TBC1D14: variants seen among roughly 807,000 people sequenced by gnomAD.
The protein encoded by TBC1D14 is TBC1 domain family member 14, also known as TBC1 domain family, member 14.
TBC1D14 carries 26 observed loss-of-function variants against 79.0 expected under a neutral mutation model. That is an observed-to-expected ratio of 0.33 (90% confidence interval 0.24 to 0.46). The LOEUF (loss-of-function observed/expected upper bound fraction) is 0.46. Among genes scored for constraint, TBC1D14 ranks in the 20% least tolerant of loss-of-function variants. The probability of loss-of-function intolerance (pLI) is 1.00; values close to 1 mark genes in which losing one functional copy is unlikely to be tolerated. For synonymous variants in TBC1D14, 394 were observed against 349.9 expected (o/e 1.13, Z -1.40); for missense variants, 769 against 887.6 (o/e 0.87, Z 1.70).
intron 11 of TBC1D14, among the ~76,000 whole-genome samples, chr4:7,013,193 C>T (rs1304988919): frequency 6.6e-6 from 1 of 152,210 alleles, no homozygotes; most frequent in Non-Finnish European, 1.5e-5. Flanking sequence ...GACTGTGTGA[C>T]TCTGCTGGGG....
At chr4:6,911,627 A>G (rs761406845) in intron 1 of TBC1D14, among the ~76,000 whole-genome samples, 26 of 151,126 alleles carry the variant, frequency 1.7e-4, no homozygotes, top group Middle Eastern at 3.2e-3. Context: ...TCTCCACCCC[A>G]CTCCCCGTTT....
chr4:6,912,962 ATTTTGTTTTGTT>A (rs1671051270), intron 1 of TBC1D14, among the ~76,000 whole-genome samples: 1 of 151,862 alleles, frequency 6.6e-6, no homozygotes, highest in African/African-American at 2.4e-5. Context: ...CCTCCTGTTG[ATTTTGTTTTGTT>A]TTTTGTTTTG....
intron 1 of TBC1D14, among the ~76,000 whole-genome samples, chr4:6,917,555 C>G (rs1266683848): frequency 6.6e-6 from 1 of 152,068 alleles, no homozygotes; most frequent in Non-Finnish European, 1.5e-5. Context: ...TGGGAGAGCA[C>G]CTCAGGTGGT....
At chr4:6,936,785 G>C (rs1302453880) in intron 2 of TBC1D14, among the ~76,000 whole-genome samples, 2 of 152,168 alleles carry the variant, frequency 1.3e-5, no homozygotes, top group African/African-American at 4.8e-5. Flanking sequence ...CCTCCCCAGC[G>C]TTTGCTGTTG....
intron 9 of TBC1D14, among the ~76,000 whole-genome samples, chr4:7,007,006 G>T (rs536879680): frequency 2.0e-5 from 3 of 152,140 alleles, no homozygotes; most frequent in Admixed American, 1.3e-4. Flanking sequence ...GGTCTGAGAG[G>T]GTCCCCATGG....
Position 6,967,355 on chromosome 4 carries a change from G to T in TBC1D14, c.774G>T (p.Leu258Phe). ...QSARLDKHND[L>F]GWKLFGKAPL... ...CAAGGCTTGACAAACACAATGACTT[G>T]GGATGGAAGTTATTTGGGAAAGCGC... Residue 258 changes from leucine to phenylalanine, a missense_variant, in exon 3 of 14, where the codon TTG (leucine) becomes TTT (phenylalanine). Around this residue, in one of 2 missense-constraint regions of TBC1D14, gnomAD observed 402 missense variants for 393.2 expected, o/e 1.02. Transcript: ENST00000409757. 1 of 1,614,038 alleles carries T rather than the reference G, an allele frequency of 6.2e-7. No homozygotes were observed. Among genetic ancestry groups the T allele is most frequent in the Non-Finnish European group, 8.5e-7 (1 of 1,180,018 alleles).
chr4:7,027,491 GTCACACCCCTACACC>G (rs1722516766), intron 13 of TBC1D14, among the ~76,000 whole-genome samples: 1 of 115,674 alleles, frequency 8.6e-6, no homozygotes, highest in South Asian at 2.9e-4. Flanking sequence ...CACACCCACA[GTCACACCCCTACACC>G]TCACACCCAG....
Position 7,031,523 on chromosome 4 carries a change from G to A in TBC1D14, c.*1131G>A, listed in dbSNP as rs1290244300. The A allele has an allele frequency of 1.3e-5, 2 of 152,226 alleles. No individual in the cohort carries two copies. Among genetic ancestry groups the A allele is most frequent in the East Asian group, 3.8e-4 (2 of 5,200 alleles). 9.4% of individuals were successfully genotyped at this position (152,226 alleles called of 1,614,324 possible). On this transcript the variant is annotated 3_prime_UTR_variant, in exon 14 of 14. Transcript: ENST00000409757. ...TTTAGCTGACTTTCCCAGGGTCGTT[G>A]GCAAATTTTTTGTTCTGTCTTTTCC...
intron 3 of TBC1D14, among the ~76,000 whole-genome samples, chr4:6,981,687 C>T (rs1188998318): frequency 1.3e-5 from 2 of 152,166 alleles, no homozygotes; most frequent in East Asian, 1.9e-4. Context: ...GACAAAGTGA[C>T]GTTTAGCCCA....
chr4:7,024,675 G>A (rs193080367), intron 12 of TBC1D14, among the ~76,000 whole-genome samples: 3 of 152,332 alleles, frequency 2.0e-5, no homozygotes, highest in Admixed American at 6.5e-5. Flanking sequence ...TGTGGGTGGC[G>A]CGGCGTACAG....
chr4:6,953,721 A>G (rs964339408), intron 2 of TBC1D14, among the ~76,000 whole-genome samples: 1 of 151,666 alleles, frequency 6.6e-6, no homozygotes, highest in African/African-American at 2.4e-5. Flanking sequence ...CTTCAACAGC[A>G]TTTGAAGTGA....
At chr4:7,028,219 C>A (rs1165859194) in intron 13 of TBC1D14, among the ~76,000 whole-genome samples, 2 of 152,106 alleles carry the variant, frequency 1.3e-5, no homozygotes, top group Admixed American at 1.3e-4. Flanking sequence ...TGCGCATCCA[C>A]ATACTGCACA....
chr4:6,959,177 G>A (rs549017765), intron 2 of TBC1D14, among the ~76,000 whole-genome samples: 6 of 152,270 alleles, frequency 3.9e-5, no homozygotes, highest in East Asian at 3.9e-4. Flanking sequence ...GAGCCACCGC[G>A]CCCGGCCGAG....
chr4:6,943,552 C>T (rs1334406081), intron 2 of TBC1D14, among the ~76,000 whole-genome samples: 1 of 152,200 alleles, frequency 6.6e-6, no homozygotes, highest in Non-Finnish European at 1.5e-5. Flanking sequence ...GCCTCTGCAC[C>T]TTGCCTGTTC....
At chr4:6,909,562 A>C (rs1349966039), upstream of TBC1D14, 1 of 151,412 alleles carries the variant, frequency 6.6e-6, no homozygotes, top group Non-Finnish European at 1.5e-5. Context: ...AGGCCCGCTC[A>C]AGGCAGCTCC....
intron 1 of TBC1D14, among the ~76,000 whole-genome samples, chr4:6,919,759 T>G (rs1723690418): frequency 6.6e-6 from 1 of 152,090 alleles, no homozygotes; most frequent in Non-Finnish European, 1.5e-5. Flanking sequence ...TAGCTAGGAT[T>G]ACAGGCGTGC....
intron 2 of TBC1D14, among the ~76,000 whole-genome samples, chr4:6,941,841 C>T (rs1397916178): frequency 1.3e-5 from 2 of 152,154 alleles, no homozygotes; most frequent in African/African-American, 4.8e-5. Flanking sequence ...AACAGTACGC[C>T]CATCTTCCTG....
intron 3 of TBC1D14, among the ~76,000 whole-genome samples, chr4:6,984,215 C>T (rs1298375093): frequency 6.6e-6 from 1 of 152,180 alleles, no homozygotes; most frequent in Admixed American, 6.5e-5. Context: ...GACTTAAGCC[C>T]ATGTCTTTGT....
In TBC1D14 at chr4:7,031,286, G is replaced by A. The variant is rs536377887; in HGVS notation, c.*894G>A. The A allele has an allele frequency of 2.0e-4, 30 of 152,464 alleles. No homozygotes were observed. Among genetic ancestry groups the A allele is most frequent in the African/African-American group, 7.2e-4 (30 of 41,598 alleles). 9.4% of individuals were successfully genotyped at this position (152,464 alleles called of 1,614,324 possible). On this transcript the variant is annotated 3_prime_UTR_variant, in exon 14 of 14. Coordinates refer to ENST00000409757, the MANE Select transcript of TBC1D14 (RefSeq NM_020773.3). ...GGCAGCAGCCCAGAACAGCACATGT[G>A]GGGGAGGTGGCCCCTTGTGCCAGCA... is the stretch of plus-strand genomic sequence containing the variant.
Sources: gnomAD v4.1 joint callset for allele counts (sites outside exome capture counted in the v4.1 genomes callset) on GRCh38, gnomAD v4.1.1 for gene constraint, gnomAD v4.1.1 regional missense constraint, MANE v1.5 for transcripts, NCBI Gene and HGNC (gene_info 2026-07-23, HGNC 2026-07-21) for gene names.